The following ATRNL1 variants were observed in gnomAD, a reference collection of about 807,000 sequenced individuals.
ATRNL1 encodes attractin-like protein 1.
Under a neutral mutation model 182.7 loss-of-function variants are expected in ATRNL1, and 95 were observed. That is an observed-to-expected ratio of 0.52 (90% CI 0.44 to 0.62). ATRNL1 has a LOEUF of 0.62. ATRNL1 is among the 20% of genes least tolerant of loss of function. The pLI, the probability that ATRNL1 is intolerant of heterozygous loss-of-function variation, is 0.00. For missense variants in ATRNL1, 1,471 were observed against 1,679.5 expected, an observed-to-expected ratio of 0.88 and a Z score of 2.17; for synonymous variants, 576 against 568.3, an observed-to-expected ratio of 1.01 and a Z score of -0.19.
intron 27 of ATRNL1, among the ~76,000 whole-genome samples, chr10:115,785,188 T>C (rs1356717820): frequency 6.6e-6 from 1 of 152,210 alleles, no homozygotes; most frequent in Non-Finnish European, 1.5e-5. Flanking sequence ...AATACAATGA[T>C]GACAGAGGCA....
chr10:115,537,879 A>G (rs1248235690), intron 25 of ATRNL1, among the ~76,000 whole-genome samples: 1 of 152,128 alleles, frequency 6.6e-6, no homozygotes, highest in Non-Finnish European at 1.5e-5. Flanking sequence ...CCTTCTTTGC[A>G]GTCAGACTTT....
At position 115,093,619 on chromosome 10, in the gene ATRNL1, G is replaced by C; in HGVS notation, c.-132G>C. On this transcript the variant is annotated 5_prime_UTR_variant, in exon 1 of 29. Transcript: ENST00000355044. The surrounding 1 kb of genome is among the most constrained non-coding windows in gnomAD (Gnocchi z 6.1). Reference sequence around the variant, plus strand: ...ATCTGTCCCTCCTGACCGGGGAGCGGGACTCGGACGGGCGCCGGTGAGGAG... The same window carrying C: ...ATCTGTCCCTCCTGACCGGGGAGCGCGACTCGGACGGGCGCCGGTGAGGAG... The C allele has an allele frequency of 9.5e-7, 1 of 1,049,084 alleles. No homozygotes were observed. The highest frequency in any genetic ancestry group is 2.0e-4 in the Middle Eastern group (1 of 5,000). 65.0% of individuals were successfully genotyped at this position (1,049,084 alleles called of 1,614,324 possible). A position where few individuals can be genotyped will look rare whatever the true frequency, so the allele number is the denominator to read the frequency against.
chr10:115,700,722 A>T (rs1555051268), intron 26 of ATRNL1, among the ~76,000 whole-genome samples: 1 of 152,138 alleles, frequency 6.6e-6, no homozygotes, highest in African/African-American at 2.4e-5. Context: ...GGCATTATAT[A>T]TTGATAAAGA....
intron 26 of ATRNL1, among the ~76,000 whole-genome samples, chr10:115,571,646 G>A (rs183455913): frequency 1.1e-3 from 170 of 152,208 alleles, no homozygotes; most frequent in African/African-American, 4.0e-3. Flanking sequence ...TTGCTAAATA[G>A]ATTTTATAAA....
chr10:115,865,722 T>C (rs1217165052), intron 28 of ATRNL1, among the ~76,000 whole-genome samples: 1 of 152,158 alleles, frequency 6.6e-6, no homozygotes, highest in Non-Finnish European at 1.5e-5. Context: ...AGACCTGATT[T>C]TAGAGCCAGG....
intron 10 of ATRNL1, among the ~76,000 whole-genome samples, chr10:115,253,571 A>G (rs565836134): frequency 3.0e-4 from 45 of 152,166 alleles, no homozygotes; most frequent in African/African-American, 1.0e-3. Flanking sequence ...CCCATTATAC[A>G]TGTTCATCAT....
chr10:115,576,178 G>C (rs2133873678), intron 26 of ATRNL1, among the ~76,000 whole-genome samples: 1 of 152,080 alleles, frequency 6.6e-6, no homozygotes, highest in African/African-American at 2.4e-5. Context: ...GGCTATTGTG[G>C]ATAATGCTGC....
chr10:115,722,422 G>C (rs933208582), intron 26 of ATRNL1, among the ~76,000 whole-genome samples: 3 of 152,094 alleles, frequency 2.0e-5, no homozygotes, highest in African/African-American at 4.8e-5. Context: ...GTGCCTTGAA[G>C]ATTTAGTTAT....
intron 26 of ATRNL1, among the ~76,000 whole-genome samples, chr10:115,571,554 A>G (rs17093295): frequency 0.085 from 12,974 of 152,018 alleles, 1,170 homozygotes; most frequent in African/African-American, 0.23. Flanking sequence ...AGACCTTCCA[A>G]TGTATTTTCT....
At chr10:115,618,209 AC>A (rs1555021479) in intron 26 of ATRNL1, among the ~76,000 whole-genome samples, 2 of 152,144 alleles carry the variant, frequency 1.3e-5, no homozygotes, top group Admixed American at 1.3e-4. Flanking sequence ...ATGATAATGG[AC>A]TAATATAATG....
At chr10:115,413,878 T>C (rs1438150059) in intron 20 of ATRNL1, among the ~76,000 whole-genome samples, 1 of 152,036 alleles carries the variant, frequency 6.6e-6, no homozygotes, top group African/African-American at 2.4e-5. Flanking sequence ...GTGGGTTGTT[T>C]GGTGAACAAA....
At chr10:115,729,153 T>C (rs1156873661) in intron 27 of ATRNL1, among the ~76,000 whole-genome samples, 11 of 152,196 alleles carry the variant, frequency 7.2e-5, no homozygotes, top group Admixed American at 2.6e-4. Context: ...AGTTGCACGT[T>C]AATAGTGTTC....
intron 10 of ATRNL1, among the ~76,000 whole-genome samples, chr10:115,251,242 T>C (rs1554905317): frequency 6.6e-6 from 1 of 152,198 alleles, no homozygotes; most frequent in East Asian, 1.9e-4. Flanking sequence ...TTTAGGGTGA[T>C]ACTAATTGCT....
chr10:115,625,106 A>G (rs1467924523), intron 26 of ATRNL1, among the ~76,000 whole-genome samples: 4 of 152,178 alleles, frequency 2.6e-5, no homozygotes, highest in Non-Finnish European at 5.9e-5. Context: ...TAAAAGCCAA[A>G]TAAGATATTG....
intron 9 of ATRNL1, among the ~76,000 whole-genome samples, chr10:115,229,968 G>T (rs1458661430): frequency 2.0e-5 from 3 of 152,090 alleles, no homozygotes; most frequent in Non-Finnish European, 4.4e-5. Flanking sequence ...AAGCCCCCAT[G>T]TGTCCCTTTA....
chr10:115,732,160 AT>A (rs1391768566), intron 27 of ATRNL1, among the ~76,000 whole-genome samples: 4 of 152,142 alleles, frequency 2.6e-5, no homozygotes, highest in African/African-American at 9.7e-5. Context: ...ACATGTTTAC[AT>A]TTTTTTGGGT....
At chr10:115,877,323 C>CAG (rs1951723234) in intron 28 of ATRNL1, among the ~76,000 whole-genome samples, 3 of 152,346 alleles carry the variant, frequency 2.0e-5, no homozygotes, top group Admixed American at 2.0e-4. Context: ...AGAAACAAAG[C>CAG]TACCCATATA....
intron 27 of ATRNL1, among the ~76,000 whole-genome samples, chr10:115,733,538 T>C (rs182033423): frequency 2.4e-4 from 36 of 152,254 alleles, no homozygotes; most frequent in African/African-American, 7.5e-4. Context: ...AAAAACGCAT[T>C]GTTCAAGTCT....
chr10:115,907,902 C>T (rs1029978204), intron 28 of ATRNL1, among the ~76,000 whole-genome samples: 5 of 152,162 alleles, frequency 3.3e-5, no homozygotes, highest in Admixed American at 6.5e-5. Flanking sequence ...CTTCTCTGTA[C>T]ACACTAGCTA....
Sources: gnomAD v4.1 joint callset for allele counts (sites outside exome capture counted in the v4.1 genomes callset) on GRCh38, gnomAD v4.1.1 for gene constraint, Gnocchi (gnomAD v3.1) non-coding constraint, MANE v1.5 for transcripts, NCBI Gene and HGNC (gene_info 2026-07-23, HGNC 2026-07-21) for gene names.